Variants in MAF observed in about 807,000 individuals in gnomAD.
MAF encodes transcription factor Maf.
Under a neutral mutation model 22.0 loss-of-function variants are expected in MAF, and 10 were observed. That is an observed-to-expected ratio of 0.45 (90% CI 0.28 to 0.77). The LOEUF (loss-of-function observed/expected upper bound fraction) is 0.77. MAF is among the 30% of genes least tolerant of loss of function. MAF has a pLI of 0.12. For missense variants in MAF, 544 were observed against 548.4 expected (o/e 0.99, Z 0.08); for synonymous variants, 337 against 255.8 (o/e 1.32, Z -3.03).
At chr16:79,364,375 G>A in the MAF span, among the ~76,000 whole-genome samples, 4 of 152,252 alleles carry the variant, frequency 2.6e-5, no homozygotes, top group East Asian at 7.7e-4. Flanking sequence ...GTTAGTTTTT[G>A]GACACAACTT....
chr16:79,442,218 A>C, the MAF span, among the ~76,000 whole-genome samples: 597 of 152,314 alleles, frequency 3.9e-3, 6 homozygotes, highest in Non-Finnish European at 6.9e-3. Flanking sequence ...TAGGGGATGA[A>C]AGGTGTTTTG....
the MAF span, among the ~76,000 whole-genome samples, chr16:79,380,530 T>G: frequency 2.0e-5 from 3 of 152,240 alleles, no homozygotes; most frequent in Non-Finnish European, 4.4e-5. Flanking sequence ...CACAGCTACC[T>G]GCCTGGTTAG....
the MAF span, among the ~76,000 whole-genome samples, chr16:79,487,066 G>A: frequency 6.6e-6 from 1 of 152,006 alleles, no homozygotes; most frequent in Non-Finnish European, 1.5e-5. Context: ...TTTTTGCAAA[G>A]AACATCTATT....
chr16:79,439,741 A>T, the MAF span, among the ~76,000 whole-genome samples: 1 of 152,226 alleles, frequency 6.6e-6, no homozygotes, highest in Admixed American at 6.5e-5. Flanking sequence ...AGGACAGAAG[A>T]TGACAAAGCC....
At chr16:79,214,334 TGAAA>T in the MAF span, among the ~76,000 whole-genome samples, 1 of 152,152 alleles carries the variant, frequency 6.6e-6, no homozygotes, top group South Asian at 2.1e-4. Context: ...AAATAACCAC[TGAAA>T]GAATGATTCT....
the MAF span, among the ~76,000 whole-genome samples, chr16:79,501,528 G>A: frequency 1.3e-4 from 20 of 151,954 alleles, no homozygotes; most frequent in Non-Finnish European, 2.5e-4. Flanking sequence ...CAAAATGCTT[G>A]AGGCCACATT....
chr16:79,312,733 C>G, the MAF span, among the ~76,000 whole-genome samples: 3 of 152,230 alleles, frequency 2.0e-5, no homozygotes, highest in Non-Finnish European at 1.5e-5. Context: ...GGCCTGTCTT[C>G]GTGCCTGTCT....
the MAF span, among the ~76,000 whole-genome samples, chr16:79,535,986 T>G: frequency 3.3e-5 from 5 of 152,320 alleles, no homozygotes; most frequent in East Asian, 3.9e-4. Flanking sequence ...TCTCCCACAG[T>G]TGGCAGTATT....
At chr16:79,597,252 T>A (rs934546575) in intron 1 of MAF, 1 of 1,048,642 alleles carries the variant, frequency 9.5e-7, no homozygotes, top group African/African-American at 1.7e-5. Flanking sequence ...AACATTCCTT[T>A]ATCTGTAGCA....
the MAF span, among the ~76,000 whole-genome samples, chr16:79,384,383 T>C: frequency 1.4e-5 from 2 of 146,154 alleles, no homozygotes; most frequent in East Asian, 4.0e-4. Context: ...AGGCAGAGGT[T>C]GCAGTGAGCC....
chr16:79,581,425 G>C (rs1217994903), downstream of MAF, among the ~76,000 whole-genome samples: 2 of 152,168 alleles, frequency 1.3e-5, no homozygotes, highest in Non-Finnish European at 2.9e-5. Flanking sequence ...CCTGGCGTTA[G>C]AATCCCTTTA....
the MAF span, among the ~76,000 whole-genome samples, chr16:79,475,822 A>C: frequency 3.3e-5 from 5 of 152,126 alleles, no homozygotes; most frequent in Non-Finnish European, 7.3e-5. Context: ...AGGGTTTGTT[A>C]CACTTGTTGC....
chr16:79,555,832 C>T, the MAF span, among the ~76,000 whole-genome samples: 3 of 152,068 alleles, frequency 2.0e-5, no homozygotes, highest in African/African-American at 4.8e-5. Flanking sequence ...ACAGATAACA[C>T]AGATATAGAT....
chr16:79,300,491 G>T, the MAF span, among the ~76,000 whole-genome samples: 2 of 152,128 alleles, frequency 1.3e-5, no homozygotes, highest in Non-Finnish European at 2.9e-5. Context: ...GGAGGTGGAG[G>T]TTGCAGTGAG....
At chr16:79,562,596 T>C in the MAF span, among the ~76,000 whole-genome samples, 1 of 152,214 alleles carries the variant, frequency 6.6e-6, no homozygotes, top group Non-Finnish European at 1.5e-5. Flanking sequence ...GCCTTGTCCC[T>C]GAACACAGAC....
At chr16:79,366,803 A>G in the MAF span, among the ~76,000 whole-genome samples, 1 of 152,244 alleles carries the variant, frequency 6.6e-6, no homozygotes, top group East Asian at 1.9e-4. Context: ...GCCAACATTT[A>G]TTTAAGCCCT....
chr16:79,484,894 C>T, the MAF span, among the ~76,000 whole-genome samples: 8 of 152,336 alleles, frequency 5.3e-5, no homozygotes, highest in East Asian at 1.5e-3. Flanking sequence ...CAGCATCAAG[C>T]ATGGTACAGC....
the MAF span, among the ~76,000 whole-genome samples, chr16:79,225,727 CAG>C: frequency 1.3e-5 from 2 of 152,136 alleles, no homozygotes; most frequent in African/African-American, 4.8e-5. Flanking sequence ...AGGATATAAA[CAG>C]ACACTTCTCA....
the MAF span, among the ~76,000 whole-genome samples, chr16:79,244,446 T>C: frequency 1.3e-5 from 2 of 152,046 alleles, no homozygotes; most frequent in African/African-American, 4.8e-5. Flanking sequence ...AGCCAAATCA[T>C]TAGTGAACTC....
Sources: allele counts gnomAD v4.1 joint callset (sites outside exome capture counted in the v4.1 genomes callset), GRCh38; gene constraint gnomAD v4.1.1; transcripts MANE v1.5; gene names NCBI Gene and HGNC (gene_info 2026-07-23, HGNC 2026-07-21).